MRPS27: variants seen among roughly 807,000 people sequenced by gnomAD.
MRPS27 encodes mitochondrial ribosomal protein S27.
Under a neutral mutation model 48.9 loss-of-function variants are expected in MRPS27, and 43 were observed. The observed-to-expected ratio is 0.88, with a 90% CI of 0.69 to 1.13. MRPS27 has a LOEUF of 1.13. MRPS27 is among the 50% of genes most tolerant of loss of function. The pLI, the probability that MRPS27 is intolerant of heterozygous loss-of-function variation, is 0.00. For synonymous variants in MRPS27, 188 were observed against 171.9 expected, an observed-to-expected ratio of 1.09 and a Z score of -0.73; for missense variants, 467 against 476.3, an observed-to-expected ratio of 0.98 and a Z score of 0.18.
intron 4 of MRPS27, among the ~76,000 whole-genome samples, chr5:72,253,009 C>T (rs1255918697): frequency 2.0e-5 from 3 of 152,174 alleles, no homozygotes; most frequent in Non-Finnish European, 4.4e-5. Flanking sequence ...GGGTATTTCA[C>T]TAACTTGTAT....
Position 72,233,145 on chromosome 5 carries a change from T to C in MRPS27, c.476-587A>G, listed in dbSNP as rs935052052. On this transcript the variant is annotated intron_variant, in intron 6 of 10. Coordinates refer to ENST00000261413, the MANE Select transcript of MRPS27 (RefSeq NM_015084.3). Reference sequence around the variant, plus strand: ...TGTTATTTCAAAGACAGCAAAATAATGACTATAAAAAGGACAATAAGGCTC... The same window carrying C: ...TGTTATTTCAAAGACAGCAAAATAACGACTATAAAAAGGACAATAAGGCTC... Among the ~76,000 whole-genome samples, 7 of 152,108 alleles carry C rather than the reference T, an allele frequency of 4.6e-5. No individual in the cohort carries two copies. In the East Asian group the frequency reaches 1.3e-3, roughly 29 times the overall value.
chr5:72,284,314 C>T (rs1415042205), intron 4 of MRPS27, among the ~76,000 whole-genome samples: 2 of 149,658 alleles, frequency 1.3e-5, no homozygotes, highest in African/African-American at 4.9e-5. Flanking sequence ...GTCCTAGCTA[C>T]CTGGGAGGCT....
chr5:72,292,866 C>A (rs749211322), intron 4 of MRPS27, among the ~76,000 whole-genome samples: 2 of 152,086 alleles, frequency 1.3e-5, no homozygotes, highest in Non-Finnish European at 2.9e-5. Context: ...GAAATCCTAA[C>A]CCCAGGCCTG....
chr5:72,245,673 C>A (rs1561337287), intron 4 of MRPS27, among the ~76,000 whole-genome samples: 1 of 152,142 alleles, frequency 6.6e-6, no homozygotes. Flanking sequence ...AGGATTAAGT[C>A]TGCCACAAAA....
chr5:72,257,653 T>C (rs35112290), intron 4 of MRPS27, among the ~76,000 whole-genome samples: 2 of 152,168 alleles, frequency 1.3e-5, no homozygotes, highest in South Asian at 4.1e-4. Context: ...TTTACTGTTG[T>C]TATTATTTAT....
chr5:72,308,345 GCA>G (rs1750338680), intron 2 of MRPS27, among the ~76,000 whole-genome samples: 1 of 152,214 alleles, frequency 6.6e-6, no homozygotes. Context: ...CCCACACGCC[GCA>G]GTGTCCCTTG....
chr5:72,221,485 T>G (rs904461305), intron 10 of MRPS27, among the ~76,000 whole-genome samples: 5 of 152,216 alleles, frequency 3.3e-5, no homozygotes, highest in African/African-American at 1.2e-4. Flanking sequence ...GAACTCCATA[T>G]GCTGTGTCTC....
chr5:72,295,651 G>C (rs757444546), intron 3 of MRPS27, 62 bp from the exon 4 acceptor site: 23 of 1,293,282 alleles, frequency 1.8e-5, no homozygotes, highest in Admixed American at 5.3e-5. Context: ...TTGGCCTAGG[G>C]CCTAGATCAC....
rs555591940 is a variant in MRPS27, at chr5:72,313,048, A to T, written c.151+1033T>A. 2.6e-5 allele frequency among the ~76,000 whole-genome samples: 4 copies of T among 152,368 alleles called. No individual in the cohort carries two copies. The South Asian group carries it at 8.3e-4, about 32-fold the overall frequency. ...CTACCCTGGGCCTCTTATAGACAGAATGAGACTGTAAGTTTCTCATGGAGA... is the reference window on the plus strand; with the variant it reads ...CTACCCTGGGCCTCTTATAGACAGATTGAGACTGTAAGTTTCTCATGGAGA... On this transcript the variant is annotated intron_variant, in intron 2 of 10. Transcript: ENST00000261413.
chr5:72,311,107 A>G (rs1034384701), intron 2 of MRPS27, among the ~76,000 whole-genome samples: 2 of 152,236 alleles, frequency 1.3e-5, no homozygotes, highest in Non-Finnish European at 2.9e-5. Flanking sequence ...CTGGAAGAGG[A>G]AAAATGCTAT....
chr5:72,268,223 T>C (rs915074666), intron 4 of MRPS27, among the ~76,000 whole-genome samples: 4 of 152,176 alleles, frequency 2.6e-5, no homozygotes, highest in Non-Finnish European at 5.9e-5. Context: ...TACAACAAAC[T>C]TAATTTATCA....
intron 2 of MRPS27, among the ~76,000 whole-genome samples, chr5:72,307,068 C>A (rs907793877): frequency 6.6e-6 from 1 of 152,052 alleles, no homozygotes; most frequent in East Asian, 1.9e-4. Flanking sequence ...ATCAGGGATA[C>A]CTGAGCCAGG....
chr5:72,310,061 G>A (rs750405901), intron 2 of MRPS27, among the ~76,000 whole-genome samples: 3 of 152,210 alleles, frequency 2.0e-5, no homozygotes, highest in Non-Finnish European at 2.9e-5. Context: ...AATATGGACT[G>A]GAGCAAGGCA....
At position 72,273,011 on chromosome 5, in the gene MRPS27, T is replaced by A. The variant is rs565192899; in HGVS notation, c.281+22520A>T. ...CAAACTCATTCTAAAACTGTGTATC[T>A]TGTGATAGTAATAAATTTATTATTT... On this transcript the variant is annotated intron_variant, in intron 4 of 10. Coordinates refer to ENST00000261413, the MANE Select transcript of MRPS27 (RefSeq NM_015084.3). Among the ~76,000 whole-genome samples the A allele has an allele frequency of 2.6e-5, 4 of 152,320 alleles. No homozygotes were observed. The South Asian group carries it at 8.3e-4, about 32-fold the overall frequency.
chr5:72,275,842 G>T (rs896428400), intron 4 of MRPS27, among the ~76,000 whole-genome samples: 2 of 151,996 alleles, frequency 1.3e-5, no homozygotes, highest in Non-Finnish European at 2.9e-5. Context: ...TTTAGATAGG[G>T]TGGGCACGTA....
chr5:72,292,062 CTTAT>C (rs1357595387), intron 4 of MRPS27, among the ~76,000 whole-genome samples: 6 of 152,258 alleles, frequency 3.9e-5, no homozygotes, highest in South Asian at 2.1e-4. Flanking sequence ...TTTTTATTAT[CTTAT>C]TTAAGTTTTC....
chr5:72,277,863 C>T (rs1051627410), intron 4 of MRPS27, among the ~76,000 whole-genome samples: 2 of 152,088 alleles, frequency 1.3e-5, no homozygotes, highest in African/African-American at 4.8e-5. Context: ...ACCGCATGCT[C>T]TCATAAGTGG....
intron 4 of MRPS27, among the ~76,000 whole-genome samples, chr5:72,287,796 G>T (rs536324288): frequency 6.6e-6 from 1 of 152,220 alleles, no homozygotes; most frequent in African/African-American, 2.4e-5. Context: ...TGGAGGAAGC[G>T]GAACTGCTGT....
chr5:72,262,095 C>T (rs1055399703), intron 4 of MRPS27, among the ~76,000 whole-genome samples: 1 of 152,158 alleles, frequency 6.6e-6, no homozygotes, highest in Non-Finnish European at 1.5e-5. Context: ...TCCCTAACCT[C>T]TATTAGGGAA....
Sources: gnomAD v4.1 joint callset for allele counts (sites outside exome capture counted in the v4.1 genomes callset) on GRCh38, gnomAD v4.1.1 for gene constraint, MANE v1.5 for transcripts, NCBI Gene and HGNC (gene_info 2026-07-23, HGNC 2026-07-21) for gene names.